Variants in TOMM70 observed in about 807,000 individuals in gnomAD.
TOMM70 encodes translocase of outer mitochondrial membrane 70.
In TOMM70, 13 loss-of-function variants were observed where a neutral mutation model predicts 73.6. The ratio of observed to expected loss-of-function variants is 0.18; its 90% confidence interval spans 0.11 to 0.28. The LOEUF (loss-of-function observed/expected upper bound fraction) is 0.28. TOMM70 is among the 10% of genes least tolerant of loss of function. The probability of loss-of-function intolerance (pLI) is 1.00; values close to 1 mark genes in which losing one functional copy is unlikely to be tolerated. For synonymous variants in TOMM70, 257 were observed against 271.2 expected (o/e 0.95, Z 0.51); for missense variants, 609 against 747.5 (o/e 0.81, Z 2.16).
chr3:100,386,396 T>C lies in TOMM70; in HGVS notation c.499-52A>G, dbSNP rs566925671. 6.5e-5 allele frequency: 99 copies of C among 1,521,434 alleles called. 1 individual carries two copies. In the South Asian group the frequency reaches 1.3e-3, roughly 19 times the overall value. 94.2% of individuals were successfully genotyped at this position (1,521,434 alleles called of 1,614,324 possible). On this transcript the variant is annotated intron_variant, in intron 2 of 11. Coordinates refer to ENST00000284320, the MANE Select transcript of TOMM70 (RefSeq NM_014820.5). ...TCACACTAAAGAAAGTACTGTTCAATAGAAATCAGTTTAAACTTGATAGGT... is the reference window on the plus strand; with the variant it reads ...TCACACTAAAGAAAGTACTGTTCAACAGAAATCAGTTTAAACTTGATAGGT...
rs768268946 is a variant in TOMM70, at chr3:100,386,362, T to A, written c.499-18A>T. The A allele has an allele frequency of 6.3e-7, 1 of 1,587,232 alleles. No individual in the cohort carries two copies. The highest frequency in any genetic ancestry group is 1.2e-5 in the South Asian group (1 of 86,198). On this transcript the variant is annotated intron_variant, in intron 2 of 11. Transcript: ENST00000284320. Reference sequence around the variant, plus strand: ...CATTTTTGCTGTAATTGAAAGTATTTAAAAAAAGTCACACTAAAGAAAGTA... The same window carrying A: ...CATTTTTGCTGTAATTGAAAGTATTAAAAAAAAGTCACACTAAAGAAAGTA...
chr3:100,381,873 CAAAT>C, intron 4 of TOMM70, 110 bp from the exon 5 acceptor site: 1 of 1,137,168 alleles, frequency 8.8e-7, no homozygotes, highest in Admixed American at 2.7e-5. Flanking sequence ...TTCTCATTTT[CAAAT>C]AACTAAAATT....
At chr3:100,397,570 A>G (rs1706838579) in intron 1 of TOMM70, among the ~76,000 whole-genome samples, 1 of 152,246 alleles carries the variant, frequency 6.6e-6, no homozygotes, top group South Asian at 2.1e-4. Context: ...CTTAAATTCT[A>G]ATTTTTAACA....
chr3:100,381,479 T>A (rs945016508), intron 5 of TOMM70, 136 bp downstream of exon 5: 7 of 384,400 alleles, frequency 1.8e-5, no homozygotes, highest in Non-Finnish European at 2.9e-5. Context: ...ATATAATTTT[T>A]AATTATATTT....
intron 1 of TOMM70, among the ~76,000 whole-genome samples, chr3:100,399,894 G>A (rs1470452410): frequency 6.6e-6 from 1 of 152,006 alleles, no homozygotes; most frequent in Non-Finnish European, 1.5e-5. Context: ...CAAGGGGTCC[G>A]GAGTGCAAAA....
Position 100,384,540 on chromosome 3 carries a change from A to G in TOMM70, c.674T>C (p.Met225Thr). The G allele has an allele frequency of 6.2e-7, 1 of 1,610,930 alleles. No individual in the cohort carries two copies. Among genetic ancestry groups the G allele is most frequent in the Non-Finnish European group, 8.5e-7 (1 of 1,179,056 alleles). ...TTTAAGAACTTTATCGGCTAACAGC[A>G]TGCTTTGTTGATTTTGGAACCCTTC... is the stretch of plus-strand genomic sequence containing the variant. ...ILEGFQNQQS[M>T]LLADKVLKLL... Residue 225 changes from methionine (M) to threonine (T), a missense_variant, in exon 4 of 12, where the codon ATG becomes ACG. By Grantham distance (81) the Met-to-Thr change is moderately conservative (BLOSUM62 -1). Around this residue, in one of 2 missense-constraint regions of TOMM70, gnomAD observed 432 missense variants for 584.1 expected, o/e 0.74. Transcript: ENST00000284320.
intron 5 of TOMM70, among the ~76,000 whole-genome samples, chr3:100,380,344 CA>C (rs60837844): frequency 6.8e-5 from 10 of 146,390 alleles, no homozygotes; most frequent in Non-Finnish European, 7.6e-5. Flanking sequence ...ACCTCATTAT[CA>C]AAAAAAAAAG....
At chr3:100,370,848 G>A (rs1007392730) in intron 9 of TOMM70, among the ~76,000 whole-genome samples, 1 of 152,136 alleles carries the variant, frequency 6.6e-6, no homozygotes, top group East Asian at 1.9e-4. Flanking sequence ...AGGGAAATAT[G>A]CTATTGGGAA....
chr3:100,397,914 TAA>T (rs1379859944), intron 1 of TOMM70, among the ~76,000 whole-genome samples: 4 of 151,516 alleles, frequency 2.6e-5, no homozygotes, highest in Admixed American at 1.3e-4. Flanking sequence ...TTTGTAAAAC[TAA>T]AAAACTCTGA....
At chr3:100,389,998 C>T (rs150403160) in intron 1 of TOMM70, among the ~76,000 whole-genome samples, 46 of 152,254 alleles carry the variant, frequency 3.0e-4, no homozygotes, top group African/African-American at 9.1e-4. Context: ...CGAGATCACA[C>T]CACTGCACTC....
In TOMM70 at chr3:100,381,699, T is replaced by G; in HGVS notation, c.800A>C (p.Asp267Ala). 1 of 1,612,960 alleles carries G rather than the reference T, an allele frequency of 6.2e-7. No individual in the cohort carries two copies. Among genetic ancestry groups the G allele is most frequent in the Admixed American group, 1.7e-5 (1 of 59,920 alleles). ...TTTAAGCATGGGCTGGGAAATGATA[T>G]CATCCGTGAAAGAACTGAAGTAAGA... Reference protein sequence around the residue: ...IKSYFSSFTDDIISQPMLKGE... With the variant: ...IKSYFSSFTDAIISQPMLKGE... Residue 267 changes from aspartate (D) to alanine (A), a missense_variant, in exon 5 of 12, where the codon GAT becomes GCT. Asp to Ala is a moderately radical substitution (Grantham distance 126, BLOSUM62 -2). Transcript: ENST00000284320.
At chr3:100,378,951 G>A (rs1706597576) in intron 5 of TOMM70, among the ~76,000 whole-genome samples, 2 of 152,148 alleles carry the variant, frequency 1.3e-5, no homozygotes, top group Admixed American at 6.5e-5. Flanking sequence ...AGCTTGCAGT[G>A]AGCTGAGATC....
chr3:100,385,137 G>A (rs1329500117), intron 3 of TOMM70, among the ~76,000 whole-genome samples: 5 of 152,184 alleles, frequency 3.3e-5, no homozygotes, highest in African/African-American at 7.2e-5. Flanking sequence ...GTCTCTTCCC[G>A]AATTAAATTT....
intron 1 of TOMM70, among the ~76,000 whole-genome samples, chr3:100,398,296 A>C (rs1477577972): frequency 6.6e-6 from 1 of 151,024 alleles, no homozygotes; most frequent in Admixed American, 6.6e-5. Context: ...AGGCAGGAGA[A>C]CTGCTTGAAC....
At chr3:100,381,050 G>A (rs185117071) in intron 5 of TOMM70, among the ~76,000 whole-genome samples, 360 of 152,214 alleles carry the variant, frequency 2.4e-3, no homozygotes, top group Non-Finnish European at 3.1e-3. Flanking sequence ...ATGGAATAAA[G>A]CAGGCTAGAT....
chr3:100,387,572 C>A (rs963073266), intron 1 of TOMM70, among the ~76,000 whole-genome samples: 7 of 145,678 alleles, frequency 4.8e-5, no homozygotes, highest in Non-Finnish European at 8.9e-5. Context: ...CCACCACGTC[C>A]AGCTAAAAGA....
intron 11 of TOMM70, 60 bp from the exon 12 acceptor site, chr3:100,365,777 G>A: frequency 6.3e-7 from 1 of 1,577,324 alleles, no homozygotes; most frequent in East Asian, 2.2e-5. Flanking sequence ...ATTCAATGAA[G>A]GTTGTAAGTG....
chr3:100,393,053 G>T (rs975612823), intron 1 of TOMM70, among the ~76,000 whole-genome samples: 1 of 151,962 alleles, frequency 6.6e-6, no homozygotes, highest in Non-Finnish European at 1.5e-5. Flanking sequence ...GCGCATGCTT[G>T]TAATCCCAGC....
rs114641074 is a variant in TOMM70 at position 100,364,165 on chromosome 3, T to A, written c.*1399A>T. The A allele has an allele frequency of 6.6e-6, 1 of 152,018 alleles. No homozygotes were observed. Among genetic ancestry groups the A allele is most frequent in the Non-Finnish European group, 1.5e-5 (1 of 67,994 alleles). The allele number at this position is 152,018 out of a possible 1,614,324, so 9.4% of individuals were successfully genotyped here. On this transcript the variant is annotated 3_prime_UTR_variant, in exon 12 of 12. Coordinates refer to ENST00000284320, the MANE Select transcript of TOMM70 (RefSeq NM_014820.5). ...AAGGATGGTCTATAAAAGTGGAAAATGGAAATAAATCGTAAAGTGATTTCT... is the reference window on the plus strand; with the variant it reads ...AAGGATGGTCTATAAAAGTGGAAAAAGGAAATAAATCGTAAAGTGATTTCT...
Sources: allele counts gnomAD v4.1 joint callset (sites outside exome capture counted in the v4.1 genomes callset), GRCh38; gene constraint gnomAD v4.1.1; regional missense constraint gnomAD v4.1.1; transcripts MANE v1.5; gene names NCBI Gene and HGNC (gene_info 2026-07-23, HGNC 2026-07-21).